SMARCA4: variants seen among roughly 807,000 people sequenced by gnomAD.
SMARCA4 encodes the protein SWI/SNF-related matrix-associated actin-dependent regulator of chromatin subfamily A member 4.
SMARCA4 carries 31 observed loss-of-function variants against 193.9 expected under a neutral mutation model. The ratio of observed to expected loss-of-function variants is 0.16; its 90% CI spans 0.12 to 0.22. The LOEUF (loss-of-function observed/expected upper bound fraction) is 0.22, where lower values mean the gene tolerates loss of function less well. SMARCA4 is among the 10% of genes least tolerant of loss of function. SMARCA4 has a pLI of 1.00. For missense variants in SMARCA4, 1,148 were observed against 2,296.0 expected (o/e 0.50, Z 10.22); for synonymous variants, 942 against 933.1 (o/e 1.01, Z -0.17).
intron 29 of SMARCA4, among the ~76,000 whole-genome samples, chr19:11,039,059 T>TAA (rs370936227): frequency 2.5e-4 from 37 of 146,254 alleles, no homozygotes; most frequent in African/African-American, 8.8e-4. Context: ...TTGTCTCTAT[T>TAA]AAAAAAAAAA....
In SMARCA4 at chr19:11,058,568, A is replaced by C. The variant is rs931747218; in HGVS notation, c.4533+205A>C. ...GGTGTCCTGAGGGATGTCAGTGGGC[A>C]GTCGGTGTTGGGTGTTCCTTCAAGG... On this transcript the variant is annotated intron_variant, in intron 31 of 34. Transcript: ENST00000344626. The surrounding 1 kb of genome is among the most constrained non-coding windows in gnomAD (Gnocchi z 5.8). 6.6e-6 allele frequency among the ~76,000 whole-genome samples: 1 copy of C among 152,120 alleles called. No individual in the cohort carries two copies. The highest frequency in any genetic ancestry group is 2.4e-5 in the African/African-American group (1 of 41,424).
intron 29 of SMARCA4, among the ~76,000 whole-genome samples, chr19:11,038,465 A>T (rs2146758021): frequency 6.6e-6 from 1 of 152,220 alleles, no homozygotes; most frequent in South Asian, 2.1e-4. Flanking sequence ...TGTGCCCTCC[A>T]TGCTGCTTCT....
chr19:10,969,282 T>G (rs2084489009), intron 1 of SMARCA4, among the ~76,000 whole-genome samples: 1 of 152,154 alleles, frequency 6.6e-6, no homozygotes, highest in Admixed American at 6.5e-5. Context: ...TGTTTTAGGT[T>G]TTACTTTCTT....
intron 18 of SMARCA4, chr19:11,021,354 C>T (rs2089850016): frequency 2.7e-6 from 1 of 373,820 alleles, no homozygotes; most frequent in South Asian, 2.0e-5. Context: ...ACCCTCCACA[C>T]CAGCAGGACA....
intron 1 of SMARCA4, among the ~76,000 whole-genome samples, chr19:10,970,919 C>A (rs1464678648): frequency 1.3e-5 from 2 of 152,106 alleles, no homozygotes; most frequent in African/African-American, 4.8e-5. Flanking sequence ...GGAGTGTGGG[C>A]CAGGCACGGT....
chr19:10,998,918 C>G (rs1398533960), intron 11 of SMARCA4, among the ~76,000 whole-genome samples: 4 of 144,062 alleles, frequency 2.8e-5, no homozygotes, highest in South Asian at 4.4e-4. Context: ...TTTTGTCTGT[C>G]AAGACGGGGT....
At chr19:11,006,243 T>C (rs574961697) in intron 13 of SMARCA4, among the ~76,000 whole-genome samples, 1 of 152,386 alleles carries the variant, frequency 6.6e-6, no homozygotes, top group African/African-American at 2.4e-5. Context: ...AAATGCATTC[T>C]TGTCTATGTT....
chr19:11,048,611 C>T (rs1191416130), intron 30 of SMARCA4, among the ~76,000 whole-genome samples: 2 of 152,172 alleles, frequency 1.3e-5, no homozygotes, highest in African/African-American at 4.8e-5. Context: ...CAGGTGGGAG[C>T]CACATGGTCC....
At chr19:11,026,468 C>G in intron 23 of SMARCA4, 122 bp downstream of exon 23, 1 of 710,516 alleles carries the variant, frequency 1.4e-6, no homozygotes, top group South Asian at 1.5e-5. Context: ...TTAGAAAATA[C>G]AGAAGAATCC....
chr19:11,043,434 A>G (rs1330115820), intron 30 of SMARCA4, among the ~76,000 whole-genome samples: 1 of 152,206 alleles, frequency 6.6e-6, no homozygotes, highest in Non-Finnish European at 1.5e-5. Context: ...CTAATTCACA[A>G]ACCTAACTCC....
At chr19:10,965,819 C>T (rs1231280993) in intron 1 of SMARCA4, among the ~76,000 whole-genome samples, 1 of 152,032 alleles carries the variant, frequency 6.6e-6, no homozygotes, top group Non-Finnish European at 1.5e-5. Context: ...AAAAATTTTT[C>T]TAATTAGACA....
chr19:10,963,421 G>C (rs942237951), intron 1 of SMARCA4, among the ~76,000 whole-genome samples: 29 of 151,826 alleles, frequency 1.9e-4, no homozygotes, highest in Non-Finnish European at 3.5e-4. Flanking sequence ...AGGACTGGGG[G>C]TGGATTGTAA....
chr19:10,980,351 G>A (rs965613689), intron 1 of SMARCA4, among the ~76,000 whole-genome samples: 4 of 152,148 alleles, frequency 2.6e-5, no homozygotes, highest in Non-Finnish European at 5.9e-5. Context: ...GTTTTTTGGG[G>A]CAGCATCTTC....
Position 11,041,027 on chromosome 19 carries a change from A to C in SMARCA4, c.4171-280A>C, listed in dbSNP as rs186468088. 1.4e-4 allele frequency: 67 copies of C among 483,418 alleles called. No individual in the cohort carries two copies. The highest frequency in any genetic ancestry group is 2.2e-4 in the Non-Finnish European group (59 of 271,652). The allele number at this position is 483,418 out of a possible 1,614,324, so 29.9% of individuals were successfully genotyped here. A position where few individuals can be genotyped will look rare whatever the true frequency, so the allele number is the denominator to read the frequency against. On this transcript the variant is annotated intron_variant, in intron 29 of 34. Coordinates refer to ENST00000344626, the MANE Select transcript of SMARCA4 (RefSeq NM_003072.5). This position sits in a 1 kb window ranked among gnomAD's most constrained non-coding sequence, Gnocchi z 5.6. ...CAGGAGCACGTTCTTTTCTGTACAGAGAAGATAGTTCTTTTTTTTTGGTCA... is the reference window on the plus strand; with the variant it reads ...CAGGAGCACGTTCTTTTCTGTACAGCGAAGATAGTTCTTTTTTTTTGGTCA...
intron 9 of SMARCA4, 22 bp downstream of exon 9, chr19:10,995,023 G>C (rs767621546): frequency 6.3e-7 from 1 of 1,592,072 alleles, no homozygotes; most frequent in Non-Finnish European, 8.6e-7. Context: ...CCTTCTTGAC[G>C]TGCGCTCTTC....
At chr19:11,054,808 G>A (rs1288666182) in intron 30 of SMARCA4, among the ~76,000 whole-genome samples, 4 of 152,148 alleles carry the variant, frequency 2.6e-5, no homozygotes. Context: ...CTGGGTGTGT[G>A]TGGGGGTCAG....
Position 11,041,624 on chromosome 19 carries a change from G to T in SMARCA4, c.4424+64G>T. The T allele has an allele frequency of 6.9e-7, 1 of 1,443,136 alleles. No individual in the cohort carries two copies. 89.4% of individuals were successfully genotyped at this position (1,443,136 alleles called of 1,614,324 possible). ...CCCCGTGGGAGCAGGCCTGGCATCTGCACTCTGACTCTGCACACTCAGGCT... is the reference window on the plus strand; with the variant it reads ...CCCCGTGGGAGCAGGCCTGGCATCTTCACTCTGACTCTGCACACTCAGGCT... On this transcript the variant is annotated intron_variant, in intron 30 of 34. Coordinates refer to ENST00000344626, the MANE Select transcript of SMARCA4 (RefSeq NM_003072.5). This position sits in a 1 kb window ranked among gnomAD's most constrained non-coding sequence, Gnocchi z 5.6.
chr19:10,987,678 A>T lies in SMARCA4; in HGVS notation c.872A>T (p.Asn291Ile), dbSNP rs751791309. Residue 291 changes from asparagine to isoleucine, a missense_variant, in exon 6 of 35, where the codon AAT (asparagine) becomes ATT (isoleucine). Transcript: ENST00000344626. This position sits in a 1 kb window ranked among gnomAD's most constrained non-coding sequence, Gnocchi z 5.3. ...TGCCTTCTCCCAGGACCCATGGCGA[A>T]TGCTGCTGCCCCCACGAGCACCCCT... ...PKPWPEGPMA[N>I]AAAPTSTPQK... is the part of the protein sequence containing the mutation. The T allele has an allele frequency of 3.7e-6, 6 of 1,612,916 alleles. No homozygotes were observed. The highest frequency in any genetic ancestry group is 5.1e-6 in the Non-Finnish European group (6 of 1,179,812).
intron 30 of SMARCA4, among the ~76,000 whole-genome samples, chr19:11,051,009 T>A (rs1269317034): frequency 1.3e-5 from 2 of 152,222 alleles, no homozygotes; most frequent in Non-Finnish European, 2.9e-5. Flanking sequence ...ATAGGCTGGG[T>A]GCAGGGCACT....
Sources: allele counts gnomAD v4.1 joint callset (sites outside exome capture counted in the v4.1 genomes callset), GRCh38; gene constraint gnomAD v4.1.1; non-coding constraint Gnocchi (gnomAD v3.1); transcripts MANE v1.5; gene names NCBI Gene and HGNC (gene_info 2026-07-23, HGNC 2026-07-21).